CTNNB1: variants seen among roughly 807,000 people sequenced by gnomAD.
CTNNB1 encodes the protein catenin beta-1.
Under a neutral mutation model 82.5 loss-of-function variants are expected in CTNNB1, and 6 were observed. The observed-to-expected ratio is 0.07, with a 90% CI of 0.04 to 0.14. The LOEUF (loss-of-function observed/expected upper bound fraction) is 0.14. Ranked by LOEUF, CTNNB1 falls within the 10% of genes least tolerant of loss-of-function variation. The pLI is 1.00. For synonymous variants in CTNNB1, 312 were observed against 329.7 expected (o/e 0.95, Z 0.58); for missense variants, 529 against 980.4 (o/e 0.54, Z 6.15).
rs1575341043 is a variant in CTNNB1 at position 41,239,873 on chromosome 3, G to T, written c.*531G>T. ...GACTCAAGAAGTGAAGAATGCACAA[G>T]AATGGATCACAAGATGGAATTTATC... On this transcript the variant is annotated 3_prime_UTR_variant, in exon 15 of 15. Coordinates refer to ENST00000349496, the MANE Select transcript of CTNNB1 (RefSeq NM_001904.4). The T allele has an allele frequency of 4.5e-6, 1 of 222,858 alleles. No homozygotes were observed. Among genetic ancestry groups the T allele is most frequent in the Non-Finnish European group, 8.9e-6 (1 of 112,578 alleles). The allele number at this position is 222,858 out of a possible 1,614,324, so 13.8% of individuals were successfully genotyped here.
At chr3:41,221,811 T>G (rs2078055204) in intron 1 of CTNNB1, 1 of 152,220 alleles carries the variant, frequency 6.6e-6, no homozygotes, top group South Asian at 2.1e-4. Context: ...TCATTTTTGT[T>G]TCTTCATAAT....
intron 1 of CTNNB1, among the ~76,000 whole-genome samples, chr3:41,210,695 G>T (rs537179390): frequency 6.6e-6 from 1 of 152,078 alleles, no homozygotes; most frequent in African/African-American, 2.4e-5. Flanking sequence ...AGTAACAGAA[G>T]GAGTACACTC....
chr3:41,236,551 GT>G (rs769991479), intron 12 of CTNNB1, 36 bp from the exon 13 acceptor site: 1 of 1,614,170 alleles, frequency 6.2e-7, no homozygotes, highest in Non-Finnish European at 8.5e-7. Context: ...TGAAGTCTCA[GT>G]TTTTCCTCAA....
At chr3:41,204,639 T>C (rs1350845731) in intron 1 of CTNNB1, among the ~76,000 whole-genome samples, 1 of 152,252 alleles carries the variant, frequency 6.6e-6, no homozygotes, top group Non-Finnish European at 1.5e-5. Flanking sequence ...ATCATCTGAT[T>C]TCTTTCCCCT....
intron 1 of CTNNB1, chr3:41,221,056 T>C (rs2078037635): frequency 6.6e-6 from 1 of 152,202 alleles, no homozygotes; most frequent in Non-Finnish European, 1.5e-5. Context: ...AAAAGATGCA[T>C]GGATGCATTA....
chr3:41,229,995 G>A (rs2078270223), intron 7 of CTNNB1, among the ~76,000 whole-genome samples: 2 of 151,902 alleles, frequency 1.3e-5, no homozygotes, highest in South Asian at 4.2e-4. Flanking sequence ...TTCAAAGCAA[G>A]CTTCAAATCA....
At position 41,224,958 on chromosome 3, in the gene CTNNB1, T is replaced by G. The variant is rs1283770769; in HGVS notation, c.246T>G (p.Ile82Met). 2.5e-6 allele frequency: 4 copies of G among 1,613,922 alleles called. No individual in the cohort carries two copies. The African/African-American group carries it at 5.3e-5, about 22-fold the overall frequency. ...QSFTQEQVAD[I>M]DGQYAMTRAQ... The stretch of plus-strand genomic sequence containing the variant: ...TGTTGAATTAACCTTTTCCAGATAT[T>G]GATGGACAGTATGCAATGACTCGAG... Residue 82 changes from isoleucine to methionine, a missense_variant, in exon 4 of 15, where the codon ATT becomes ATG. Around this residue, in one of 4 missense-constraint regions of CTNNB1, gnomAD observed 411 missense variants for 776.4 expected, o/e 0.53. Coordinates refer to ENST00000349496, the MANE Select transcript of CTNNB1 (RefSeq NM_001904.4).
At chr3:41,201,212 G>A (rs1403340355) in intron 1 of CTNNB1, among the ~76,000 whole-genome samples, 1 of 152,162 alleles carries the variant, frequency 6.6e-6, no homozygotes, top group African/African-American at 2.4e-5. Context: ...ATAGTCTCAA[G>A]TGTTATTTAT....
At chr3:41,229,448 A>T (rs990031023) in intron 7 of CTNNB1, among the ~76,000 whole-genome samples, 54 of 151,958 alleles carry the variant, frequency 3.6e-4, no homozygotes, top group African/African-American at 1.3e-3. Context: ...ATTCCTAGGT[A>T]TTTTATTCTT....
intron 7 of CTNNB1, among the ~76,000 whole-genome samples, chr3:41,231,915 T>G (rs2078318292): frequency 1.3e-5 from 2 of 152,124 alleles, no homozygotes; most frequent in South Asian, 4.1e-4. Context: ...ATTGGTACCA[T>G]GAAGATAAAT....
At chr3:41,207,149 T>TC (rs1258240998) in intron 1 of CTNNB1, among the ~76,000 whole-genome samples, 3 of 152,082 alleles carry the variant, frequency 2.0e-5, no homozygotes, top group East Asian at 1.9e-4. Context: ...AGCATTCTGT[T>TC]CCCCATAGAA....
At chr3:41,229,221 G>GT (rs977192350) in intron 7 of CTNNB1, among the ~76,000 whole-genome samples, 180 of 151,540 alleles carry the variant, frequency 1.2e-3, no homozygotes, top group African/African-American at 3.8e-3. Flanking sequence ...TTTTTAAATA[G>GT]TTTTTTTTTA....
At chr3:41,231,175 AAGTT>A (rs896970509) in intron 7 of CTNNB1, among the ~76,000 whole-genome samples, 50 of 152,156 alleles carry the variant, frequency 3.3e-4, no homozygotes, top group African/African-American at 1.1e-3. Context: ...AAAATACAAA[AAGTT>A]AGCCGGGCGT....
intron 1 of CTNNB1, among the ~76,000 whole-genome samples, chr3:41,202,448 G>T (rs1187933318): frequency 6.6e-6 from 1 of 152,168 alleles, no homozygotes; most frequent in Non-Finnish European, 1.5e-5. Context: ...TTGAAAATAT[G>T]TGTTAACTTA....
Position 41,238,073 on chromosome 3 carries a change from G to T in CTNNB1, c.2134G>T (p.Asp712Tyr). 1 of 1,613,176 alleles carries T rather than the reference G, an allele frequency of 6.2e-7. No individual in the cohort carries two copies. Among genetic ancestry groups the T allele is most frequent in the Non-Finnish European group, 8.5e-7 (1 of 1,179,138 alleles). ...AQGEPLGYRQ[D>Y]DPSYRSFHSG... ...GGGAGAACCCCTTGGATATCGCCAG[G>T]ATGGTATGTGTCTCATATTTCTCGA... Residue 712 changes from aspartate (D) to tyrosine (Y), a missense_variant, in exon 14 of 15, where the codon GAT becomes TAT. Transcript: ENST00000349496.
chr3:41,223,979 G>A (rs1034809855), intron 1 of CTNNB1, 42 bp from the exon 2 acceptor site: 2 of 1,388,776 alleles, frequency 1.4e-6, no homozygotes, highest in African/African-American at 1.4e-5. Context: ...TATTAATCAA[G>A]CTAAATTTAA....
At chr3:41,204,512 G>GC (rs559299261) in intron 1 of CTNNB1, among the ~76,000 whole-genome samples, 213 of 152,238 alleles carry the variant, frequency 1.4e-3, no homozygotes, top group African/African-American at 5.0e-3. Flanking sequence ...TGTCTCCAGG[G>GC]CCAGTTAGGT....
At position 41,239,465 on chromosome 3, in the gene CTNNB1, C is replaced by T. The variant is rs1037695399; in HGVS notation, c.*123C>T. 1.1e-5 allele frequency: 9 copies of T among 804,692 alleles called. No homozygotes were observed. The African/African-American group carries it at 1.4e-4, about 12-fold the overall frequency. 49.8% of individuals were successfully genotyped at this position (804,692 alleles called of 1,614,324 possible). On this transcript the variant is annotated 3_prime_UTR_variant, in exon 15 of 15. Transcript: ENST00000349496. Reference sequence around the variant, plus strand: ...GTGGTTTAGGCTATTTGTAAATCTGCCACAAAAACAGGTATATACTTTGAA... The same window carrying T: ...GTGGTTTAGGCTATTTGTAAATCTGTCACAAAAACAGGTATATACTTTGAA...
rs575671885 is a variant in CTNNB1, at chr3:41,227,340, A to G, written c.1069A>G (p.Ile357Val). The change falls in exon 7 of 15, where the codon ATT becomes GTT. Residue 357 changes from isoleucine (I) to valine (V), a missense_variant. Coordinates refer to ENST00000349496, the MANE Select transcript of CTNNB1 (RefSeq NM_001904.4). ...LSVCSSNKPA[I>V]VEAGGMQALG... ...TGTCTGCTCTAGTAATAAGCCGGCT[A>G]TTGTAGAAGCTGGTAAGTATATGTA... is the stretch of plus-strand genomic sequence containing the variant. 17 of 1,613,896 alleles carry G rather than the reference A, an allele frequency of 1.1e-5. No individual in the cohort carries two copies. The highest frequency in any genetic ancestry group is 9.9e-5 in the South Asian group (9 of 91,082).
Sources: gnomAD v4.1 joint callset for allele counts (sites outside exome capture counted in the v4.1 genomes callset) on GRCh38, gnomAD v4.1.1 for gene constraint, gnomAD v4.1.1 regional missense constraint, MANE v1.5 for transcripts, NCBI Gene and HGNC (gene_info 2026-07-23, HGNC 2026-07-21) for gene names.